Variants in FRMD3 observed in about 807,000 individuals in gnomAD.
The protein encoded by FRMD3 is FERM domain containing 3.
FRMD3 carries 33 observed loss-of-function variants against 70.2 expected under a neutral mutation model. That is an observed-to-expected ratio of 0.47 (90% CI 0.36 to 0.63). The LOEUF (loss-of-function observed/expected upper bound fraction) is 0.63. FRMD3 is among the 20% of genes least tolerant of loss of function. The probability of loss-of-function intolerance (pLI) is 0.00; values close to 1 mark genes in which losing one functional copy is unlikely to be tolerated. For missense variants in FRMD3, 632 were observed against 711.4 expected (o/e 0.89, Z 1.27); for synonymous variants, 279 against 255.9 (o/e 1.09, Z -0.86).
intron 1 of FRMD3, among the ~76,000 whole-genome samples, chr9:83,437,451 TGA>T (rs775160625): frequency 2.0e-5 from 3 of 152,236 alleles, no homozygotes; most frequent in Admixed American, 1.3e-4. Flanking sequence ...TATATTTGTA[TGA>T]GAGTCATACT....
chr9:83,336,321 T>C (rs1435658332), intron 5 of FRMD3, among the ~76,000 whole-genome samples: 1 of 152,058 alleles, frequency 6.6e-6, no homozygotes, highest in East Asian at 1.9e-4. Context: ...TGTTTATTGA[T>C]TTAAAATGTT....
intron 13 of FRMD3, among the ~76,000 whole-genome samples, chr9:83,254,467 T>A (rs1832596970): frequency 1.3e-5 from 2 of 149,574 alleles, no homozygotes; most frequent in African/African-American, 4.9e-5. Flanking sequence ...ACATCTCAAC[T>A]AAAAGAACTA....
rs930712095 is a variant in FRMD3 at position 83,251,526 on chromosome 9, T to C, written c.1196-3010A>G. Among the ~76,000 whole-genome samples the C allele has an allele frequency of 2.6e-5, 4 of 152,148 alleles. No homozygotes were observed. The South Asian group carries it at 8.3e-4, about 32-fold the overall frequency. ...CTGGGCTAAGGCTGAGATGGATGAA[T>C]TGACAGAAGTAGGCTTCAGAAGGTG... On this transcript the variant is annotated intron_variant, in intron 13 of 13. Transcript: ENST00000304195.
intron 13 of FRMD3, among the ~76,000 whole-genome samples, chr9:83,281,795 TC>T (rs1386008703): frequency 6.6e-6 from 1 of 152,114 alleles, no homozygotes; most frequent in African/African-American, 2.4e-5. Context: ...ACACACTCGG[TC>T]CCCAGCCTTC....
intron 2 of FRMD3, among the ~76,000 whole-genome samples, chr9:83,373,497 G>A (rs1825045188): frequency 6.6e-6 from 1 of 152,136 alleles, no homozygotes. Flanking sequence ...CATTTTCAGA[G>A]GCCTGAGGTC....
At chr9:83,361,162 A>G (rs1232825037) in intron 3 of FRMD3, among the ~76,000 whole-genome samples, 1 of 152,168 alleles carries the variant, frequency 6.6e-6, no homozygotes, top group African/African-American at 2.4e-5. Context: ...AAACTAAACC[A>G]TAGTACTTGG....
chr9:83,390,308 C>T (rs550210101), intron 1 of FRMD3, among the ~76,000 whole-genome samples: 4 of 152,342 alleles, frequency 2.6e-5, no homozygotes, highest in African/African-American at 4.8e-5. Context: ...GGAGCAATCA[C>T]GAGTCCACTG....
At chr9:83,285,224 T>C (rs1834155181) in intron 13 of FRMD3, among the ~76,000 whole-genome samples, 1 of 152,178 alleles carries the variant, frequency 6.6e-6, no homozygotes, top group Admixed American at 6.5e-5. Context: ...CATACATGCA[T>C]TCACATATAC....
rs887473029 is a variant in FRMD3, at chr9:83,293,054, G to A, written c.1071-2327C>T. ...ACAAAGGAGGGGCACCTAATCCGGT[G>A]TGAGTGAGGAGAGAGCCAGGAGTGA... On this transcript the variant is annotated intron_variant, in intron 12 of 13. Coordinates refer to ENST00000304195, the MANE Select transcript of FRMD3 (RefSeq NM_174938.6). Among the ~76,000 whole-genome samples the A allele has an allele frequency of 3.3e-5, 5 of 152,230 alleles. No homozygotes were observed. In the East Asian group the frequency reaches 7.7e-4, roughly 23 times the overall value.
chr9:83,458,790 C>T (rs1268960089), intron 1 of FRMD3, among the ~76,000 whole-genome samples: 2 of 151,968 alleles, frequency 1.3e-5, no homozygotes, highest in Non-Finnish European at 2.9e-5. Context: ...TTATCAAATA[C>T]AGAAATTCCA....
intron 1 of FRMD3, among the ~76,000 whole-genome samples, chr9:83,391,044 G>A (rs1362919179): frequency 6.6e-6 from 1 of 152,176 alleles, no homozygotes; most frequent in East Asian, 1.9e-4. Context: ...TGAAACAGGG[G>A]TCAATGCCTT....
At chr9:83,292,031 C>G (rs1049201704) in intron 12 of FRMD3, among the ~76,000 whole-genome samples, 3 of 152,160 alleles carry the variant, frequency 2.0e-5, no homozygotes, top group African/African-American at 7.2e-5. Flanking sequence ...CAGCCATTTA[C>G]TCTGCAGCTG....
intron 1 of FRMD3, among the ~76,000 whole-genome samples, chr9:83,533,903 T>G (rs184784780): frequency 1.2e-4 from 19 of 152,288 alleles, no homozygotes; most frequent in Non-Finnish European, 2.1e-4. Flanking sequence ...AAAGTATGAA[T>G]AATGTCAAAA....
intron 4 of FRMD3, among the ~76,000 whole-genome samples, 197 bp from the exon 5 acceptor site, chr9:83,343,484 T>A (rs967735941): frequency 2.0e-5 from 3 of 151,984 alleles, no homozygotes; most frequent in Non-Finnish European, 4.4e-5. Flanking sequence ...CAGAAGTGTC[T>A]GCCGAGCAGA....
upstream of FRMD3, among the ~76,000 whole-genome samples, chr9:83,541,281 T>C (rs1999397): frequency 0.24 from 35,964 of 152,196 alleles, 4,700 homozygotes; most frequent in Admixed American, 0.32. Flanking sequence ...AGAGTATATG[T>C]GTGAATAAAC....
the FRMD3 span, among the ~76,000 whole-genome samples, chr9:83,572,835 C>T: frequency 6.6e-6 from 1 of 152,160 alleles, no homozygotes; most frequent in Non-Finnish European, 1.5e-5. Context: ...AATGAAAGCA[C>T]TTTCCATTTC....
At chr9:83,395,291 AG>A (rs1423603702) in intron 1 of FRMD3, among the ~76,000 whole-genome samples, 7 of 137,722 alleles carry the variant, frequency 5.1e-5, no homozygotes, top group Non-Finnish European at 7.9e-5. Flanking sequence ...AAAAAAAAAA[AG>A]GGAACAAAAA....
chr9:83,448,717 C>T lies in FRMD3; in HGVS notation c.148-59009G>A, dbSNP rs1342534511. On this transcript the variant is annotated intron_variant, in intron 1 of 13. Coordinates refer to ENST00000304195, the MANE Select transcript of FRMD3 (RefSeq NM_174938.6). ...AAAGCAGATCTGATTTTCAAGCTTC[C>T]ACTCTGCTTTCGCTAAGATGATTTA... 2.0e-5 allele frequency among the ~76,000 whole-genome samples: 3 copies of T among 152,190 alleles called. No individual in the cohort carries two copies. The East Asian group carries it at 5.8e-4, about 29-fold the overall frequency.
chr9:83,535,706 CA>C (rs1458636932), intron 1 of FRMD3, among the ~76,000 whole-genome samples: 1 of 151,900 alleles, frequency 6.6e-6, no homozygotes, highest in Non-Finnish European at 1.5e-5. Flanking sequence ...CAATGTGGCC[CA>C]GGGAAGCCAG....
Sources: gnomAD v4.1 joint callset for allele counts (sites outside exome capture counted in the v4.1 genomes callset) on GRCh38, gnomAD v4.1.1 for gene constraint, MANE v1.5 for transcripts, NCBI Gene and HGNC (gene_info 2026-07-23, HGNC 2026-07-21) for gene names.